The following PPARGC1A variants were observed in gnomAD, a reference collection of about 807,000 sequenced individuals.
The protein encoded by PPARGC1A is peroxisome proliferator-activated receptor gamma coactivator 1-alpha.
Under a neutral mutation model 88.7 loss-of-function variants are expected in PPARGC1A, and 25 were observed. The observed-to-expected ratio is 0.28, with a 90% confidence interval of 0.21 to 0.39. The LOEUF (loss-of-function observed/expected upper bound fraction) is 0.39, where lower values mean the gene tolerates loss of function less well. Among genes scored for constraint, PPARGC1A ranks in the 10% least tolerant of loss-of-function variants. The pLI is 1.00. For synonymous variants in PPARGC1A, 363 were observed against 355.6 expected, an observed-to-expected ratio of 1.02 and a Z score of -0.24; for missense variants, 880 against 968.7, an observed-to-expected ratio of 0.91 and a Z score of 1.22.
the PPARGC1A span, among the ~76,000 whole-genome samples, chr4:23,937,837 A>G: frequency 6.6e-6 from 1 of 152,090 alleles, no homozygotes; most frequent in South Asian, 2.1e-4. Context: ...TTCCTGTGAT[A>G]TTTTTCTGCC....
chr4:23,951,495 T>C, the PPARGC1A span, among the ~76,000 whole-genome samples: 2 of 152,180 alleles, frequency 1.3e-5, no homozygotes, highest in African/African-American at 4.8e-5. Flanking sequence ...ATTCATCCCA[T>C]GGTTTTTATT....
At chr4:23,923,597 C>T in the PPARGC1A span, among the ~76,000 whole-genome samples, 1 of 151,944 alleles carries the variant, frequency 6.6e-6, no homozygotes, top group Non-Finnish European at 1.5e-5. Flanking sequence ...GAAATGATTG[C>T]TAAAAAAGAA....
the PPARGC1A span, among the ~76,000 whole-genome samples, chr4:24,121,764 A>G: frequency 6.6e-6 from 1 of 152,258 alleles, no homozygotes; most frequent in South Asian, 2.1e-4. Context: ...GAAACATCAT[A>G]TTTTCATTAC....
intron 2 of PPARGC1A, among the ~76,000 whole-genome samples, chr4:23,855,946 C>G (rs751571504): frequency 5.9e-5 from 9 of 152,132 alleles, no homozygotes; most frequent in Admixed American, 2.0e-4. Context: ...AAAGTGTCAC[C>G]AGACTCAACA....
the PPARGC1A span, among the ~76,000 whole-genome samples, chr4:24,345,829 G>A: frequency 6.6e-6 from 1 of 152,110 alleles, no homozygotes; most frequent in South Asian, 2.1e-4. Context: ...GAAGAGGAGT[G>A]GTGAGAATGG....
chr4:24,270,177 G>T, the PPARGC1A span, among the ~76,000 whole-genome samples: 3 of 152,072 alleles, frequency 2.0e-5, no homozygotes, highest in Non-Finnish European at 4.4e-5. Context: ...CTGCTATCTT[G>T]ATCCCTCTGC....
chr4:24,019,383 G>GA, the PPARGC1A span, among the ~76,000 whole-genome samples: 1 of 152,160 alleles, frequency 6.6e-6, no homozygotes, highest in Non-Finnish European at 1.5e-5. Context: ...TTACAGGTTA[G>GA]AAAACTGAGA....
chr4:24,355,005 T>C, the PPARGC1A span, among the ~76,000 whole-genome samples: 1 of 152,214 alleles, frequency 6.6e-6, no homozygotes, highest in Non-Finnish European at 1.5e-5. Flanking sequence ...GAAAAAATTG[T>C]TTAGGTGATC....
chr4:23,920,323 A>C, the PPARGC1A span, among the ~76,000 whole-genome samples: 1 of 152,202 alleles, frequency 6.6e-6, no homozygotes, highest in South Asian at 2.1e-4. Context: ...TTTTCCCTGA[A>C]AAGAGCCTCT....
At chr4:23,870,565 C>T (rs1169555556) in intron 2 of PPARGC1A, among the ~76,000 whole-genome samples, 1 of 152,116 alleles carries the variant, frequency 6.6e-6, no homozygotes, top group Non-Finnish European at 1.5e-5. Flanking sequence ...GCTCATAGAA[C>T]ATCACATATT....
the PPARGC1A span, among the ~76,000 whole-genome samples, chr4:24,015,000 C>T: frequency 3.9e-5 from 6 of 152,092 alleles, no homozygotes; most frequent in Non-Finnish European, 7.4e-5. Flanking sequence ...AGCAATGTTG[C>T]AATTCTCACT....
At chr4:23,828,178 T>G (rs1724329825) in intron 5 of PPARGC1A, among the ~76,000 whole-genome samples, 1 of 152,130 alleles carries the variant, frequency 6.6e-6, no homozygotes, top group Non-Finnish European at 1.5e-5. Context: ...TCAGGAGTCT[T>G]TTGGTGCTTG....
At chr4:24,377,881 G>A in the PPARGC1A span, among the ~76,000 whole-genome samples, 2 of 152,162 alleles carry the variant, frequency 1.3e-5, no homozygotes, top group African/African-American at 4.8e-5. Context: ...GTTGCATGCA[G>A]GGAAAACCTT....
the PPARGC1A span, among the ~76,000 whole-genome samples, chr4:24,161,996 A>C: frequency 4.6e-3 from 691 of 149,056 alleles, 5 homozygotes; most frequent in African/African-American, 0.016. Flanking sequence ...ACACACACAC[A>C]CACACACACA....
chr4:23,995,237 C>T, the PPARGC1A span, among the ~76,000 whole-genome samples: 17 of 152,208 alleles, frequency 1.1e-4, no homozygotes, highest in South Asian at 6.2e-4. Context: ...GGGAAAGTCA[C>T]GCAGGTTGAC....
At chr4:24,236,961 A>T in the PPARGC1A span, among the ~76,000 whole-genome samples, 1 of 152,230 alleles carries the variant, frequency 6.6e-6, no homozygotes, top group African/African-American at 2.4e-5. Context: ...GCCCTTTTAT[A>T]GAGCTACATT....
chr4:24,418,351 A>C, the PPARGC1A span, among the ~76,000 whole-genome samples: 7 of 152,334 alleles, frequency 4.6e-5, no homozygotes, highest in African/African-American at 9.6e-5. Context: ...CTAGTGTTCT[A>C]ATTAAACACC....
At chr4:23,989,088 C>A in the PPARGC1A span, among the ~76,000 whole-genome samples, 8 of 151,490 alleles carry the variant, frequency 5.3e-5, no homozygotes, top group Admixed American at 4.6e-4. Flanking sequence ...CATGGCTATG[C>A]ACAAAAGCAA....
At chr4:24,142,856 G>C in the PPARGC1A span, among the ~76,000 whole-genome samples, 1 of 152,094 alleles carries the variant, frequency 6.6e-6, no homozygotes, top group South Asian at 2.1e-4. Flanking sequence ...TAGAATTATA[G>C]GTGTAGGGAA....
Sources: allele counts gnomAD v4.1 joint callset (sites outside exome capture counted in the v4.1 genomes callset), GRCh38; gene constraint gnomAD v4.1.1; transcripts MANE v1.5; gene names NCBI Gene and HGNC (gene_info 2026-07-23, HGNC 2026-07-21).